TES: variants seen among roughly 807,000 people sequenced by gnomAD.
TES encodes testin LIM domain protein, also known as testin.
TES carries 41 observed loss-of-function variants against 48.2 expected under a neutral mutation model. The observed-to-expected ratio is 0.85, with a 90% CI of 0.66 to 1.10. The LOEUF (loss-of-function observed/expected upper bound fraction) is 1.10, where lower values mean the gene tolerates loss of function less well. TES is among the 50% of genes least tolerant of loss of function. The probability of loss-of-function intolerance (pLI) is 0.00; values close to 1 mark genes in which losing one functional copy is unlikely to be tolerated. For synonymous variants in TES, 162 were observed against 174.9 expected (o/e 0.93, Z 0.58); for missense variants, 463 against 515.1 (o/e 0.90, Z 0.98).
chr7:116,240,977 G>A (rs1341193317), intron 2 of TES, among the ~76,000 whole-genome samples: 2 of 152,082 alleles, frequency 1.3e-5, no homozygotes, highest in Non-Finnish European at 1.5e-5. Flanking sequence ...CCCATACTCT[G>A]TTTGTGTTTT....
chr7:116,236,084 A>G (rs6955058), intron 2 of TES, among the ~76,000 whole-genome samples: 18,282 of 152,148 alleles, frequency 0.12, 1,103 homozygotes, highest in South Asian at 0.19. Flanking sequence ...AAGTGGCAGT[A>G]TGTCTCTCAT....
chr7:116,252,178 A>T, intron 5 of TES, 140 bp from the exon 6 acceptor site: 1 of 1,051,012 alleles, frequency 9.5e-7, no homozygotes, highest in South Asian at 1.7e-5. Flanking sequence ...TAAAAGATTG[A>T]TTTAGACTAA....
intron 4 of TES, 114 bp downstream of exon 4, chr7:116,250,610 T>A: frequency 1.2e-6 from 1 of 806,832 alleles, no homozygotes; most frequent in Non-Finnish European, 1.8e-6. Context: ...GGAATAAGTA[T>A]GGGGAATAAA....
intron 1 of TES, among the ~76,000 whole-genome samples, chr7:116,220,767 G>T (rs1563005460): frequency 6.6e-6 from 1 of 152,262 alleles, no homozygotes; most frequent in East Asian, 1.9e-4. Flanking sequence ...TTTATTAGCT[G>T]TGTGAATTTG....
chr7:116,228,737 G>A (rs1799655877), intron 1 of TES, among the ~76,000 whole-genome samples: 1 of 151,952 alleles, frequency 6.6e-6, no homozygotes, highest in Non-Finnish European at 1.5e-5. Flanking sequence ...ATTAAACTTT[G>A]AGCAGATGAC....
intron 1 of TES, among the ~76,000 whole-genome samples, chr7:116,215,634 G>A (rs1451256344): frequency 6.6e-6 from 1 of 152,180 alleles, no homozygotes; most frequent in African/African-American, 2.4e-5. Context: ...TGGTAATGCT[G>A]TCTCCTAACT....
chr7:116,227,676 TATATGTGTGTGTATATATACATGC>T (rs541394648), intron 1 of TES, among the ~76,000 whole-genome samples: 1 of 152,154 alleles, frequency 6.6e-6, no homozygotes, highest in African/African-American at 2.4e-5. Context: ...GTAATATGAA[TATATGTGTGTGTATATATACATGC>T]ATATGTGTGT....
At chr7:116,230,888 A>T (rs1445781975) in intron 1 of TES, among the ~76,000 whole-genome samples, 1 of 152,094 alleles carries the variant, frequency 6.6e-6, no homozygotes, top group African/African-American at 2.4e-5. Context: ...TTTCCATTGT[A>T]ATTCATGCAC....
chr7:116,246,674 AG>A (rs1413109420), intron 2 of TES, among the ~76,000 whole-genome samples: 1 of 152,166 alleles, frequency 6.6e-6, no homozygotes. Flanking sequence ...ACCCAATACT[AG>A]AGACTTTTCT....
At chr7:116,238,677 C>A (rs1488150882) in intron 2 of TES, among the ~76,000 whole-genome samples, 1 of 151,900 alleles carries the variant, frequency 6.6e-6, no homozygotes, top group Non-Finnish European at 1.5e-5. Context: ...TCTCGGCTCA[C>A]TGCAACCTCT....
chr7:116,242,320 A>G (rs1225058933), intron 2 of TES, among the ~76,000 whole-genome samples: 1 of 152,222 alleles, frequency 6.6e-6, no homozygotes, highest in African/African-American at 2.4e-5. Flanking sequence ...ACCAAAGAGT[A>G]AAAGTAAAGA....
In TES at chr7:116,216,203, T is replaced by C. The variant is rs572850890; in HGVS notation, c.27+5469T>C. On this transcript the variant is annotated intron_variant, in intron 1 of 6. Coordinates refer to ENST00000358204, the MANE Select transcript of TES (RefSeq NM_015641.4). ...TGAGAACTAGAAGAAGGAATACAAG[T>C]TGGCCCCATGCTAATGTGTATATAC... Among the ~76,000 whole-genome samples, 7 of 152,280 alleles carry C rather than the reference T, an allele frequency of 4.6e-5. No homozygotes were observed. The East Asian group carries it at 1.2e-3, about 25-fold the overall frequency.
intron 1 of TES, among the ~76,000 whole-genome samples, chr7:116,228,730 A>G (rs1340836370): frequency 6.6e-6 from 1 of 152,124 alleles, no homozygotes; most frequent in Non-Finnish European, 1.5e-5. Context: ...TTTAGTGATT[A>G]AACTTTGAGC....
intron 1 of TES, among the ~76,000 whole-genome samples, chr7:116,230,868 C>G (rs1291264249): frequency 6.6e-6 from 1 of 152,178 alleles, no homozygotes; most frequent in Non-Finnish European, 1.5e-5. Context: ...AAATTAGATA[C>G]TGCTCAGCCT....
intron 2 of TES, 141 bp downstream of exon 2, chr7:116,234,760 A>G (rs1799744913): frequency 1.6e-6 from 1 of 642,436 alleles, no homozygotes; most frequent in Non-Finnish European, 2.7e-6. Flanking sequence ...AATGAATACA[A>G]CATAAAAAGT....
At chr7:116,256,704 G>T (rs1800104612) in intron 6 of TES, among the ~76,000 whole-genome samples, 1 of 152,148 alleles carries the variant, frequency 6.6e-6, no homozygotes. Context: ...TACAATATTA[G>T]ATTACACATA....
In TES at chr7:116,250,455, G is replaced by A. The variant is rs142057704; in HGVS notation, c.661G>A (p.Ala221Thr). ...GDRSTPAAVG[A>T]MEDKSAEHKR... The stretch of plus-strand genomic sequence containing the variant: ...TAGAAGCACCCCAGCAGCAGTGGGG[G>A]CCATGGAGGACAAATCTGCTGAGCA... Residue 221 changes from alanine (A) to threonine (T), a missense_variant, in exon 4 of 7, where the codon GCC becomes ACC. Physicochemically the swap from Ala to Thr is moderately conservative, Grantham distance 58. Transcript: ENST00000358204. 2.5e-6 allele frequency: 4 copies of A among 1,584,202 alleles called. No individual in the cohort carries two copies. The highest frequency in any genetic ancestry group is 2.3e-5 in the East Asian group (1 of 44,194).
intron 1 of TES, chr7:116,223,014 A>G: frequency 4.1e-6 from 4 of 984,654 alleles, no homozygotes; most frequent in Non-Finnish European, 4.8e-6. Context: ...TCCACAGAAG[A>G]GGTATTCTAT....
At chr7:116,222,910 G>C in intron 1 of TES, 1 of 933,004 alleles carries the variant, frequency 1.1e-6, no homozygotes, top group South Asian at 4.9e-5. Flanking sequence ...TTCAGCTGCA[G>C]TCATTGCTTA....
Sources: allele counts gnomAD v4.1 joint callset (sites outside exome capture counted in the v4.1 genomes callset), GRCh38; gene constraint gnomAD v4.1.1; transcripts MANE v1.5; gene names NCBI Gene and HGNC (gene_info 2026-07-23, HGNC 2026-07-21).